EMILIN2: variants seen among roughly 807,000 people sequenced by gnomAD.
EMILIN2 encodes the protein EMILIN-2.
EMILIN2 carries 71 observed loss-of-function variants against 87.1 expected under a neutral mutation model. The observed-to-expected ratio is 0.82, with a 90% confidence interval of 0.67 to 0.99. The LOEUF (loss-of-function observed/expected upper bound fraction) is 0.99. Among genes scored for constraint, EMILIN2 ranks in the 50% least tolerant of loss-of-function variants. The pLI is 0.00. For missense variants in EMILIN2, 1,407 were observed against 1,371.8 expected, an observed-to-expected ratio of 1.03 and a Z score of -0.40; for synonymous variants, 581 against 563.4, an observed-to-expected ratio of 1.03 and a Z score of -0.44.
At chr18:2,909,953 G>A (rs1307965713) in intron 7 of EMILIN2, 134 bp downstream of exon 7, 4 of 1,242,520 alleles carry the variant, frequency 3.2e-6, no homozygotes, top group Non-Finnish European at 4.5e-6. Context: ...AGATGCCCGA[G>A]TGGGCCTGCA....
At chr18:2,868,284 G>A (rs1182418900) in intron 2 of EMILIN2, among the ~76,000 whole-genome samples, 2 of 151,978 alleles carry the variant, frequency 1.3e-5, no homozygotes, top group Non-Finnish European at 2.9e-5. Context: ...ATGGGATGGC[G>A]GCGGGGAAGA....
Position 2,915,475 on chromosome 18 carries a change from G to T in EMILIN2, c.*2071G>T, listed in dbSNP as rs940583029. The T allele has an allele frequency of 6.6e-6, 1 of 152,008 alleles. No individual in the cohort carries two copies. Among genetic ancestry groups the T allele is most frequent in the Non-Finnish European group, 1.5e-5 (1 of 68,058 alleles). 9.4% of individuals were successfully genotyped at this position (152,008 alleles called of 1,614,324 possible). ...CCCCTGAAGTAGTGCCTGCGAGTCAGTCAGAGGCATACCAAACCCTGAGAC... is the reference window on the plus strand; with the variant it reads ...CCCCTGAAGTAGTGCCTGCGAGTCATTCAGAGGCATACCAAACCCTGAGAC... On this transcript the variant is annotated 3_prime_UTR_variant, in exon 8 of 8. Coordinates refer to ENST00000254528, the MANE Select transcript of EMILIN2 (RefSeq NM_032048.3).
chr18:2,892,013 T>C lies in EMILIN2; in HGVS notation c.1886T>C (p.Met629Thr). 6.2e-7 allele frequency: 1 copy of C among 1,614,154 alleles called. No homozygotes were observed. Among genetic ancestry groups the C allele is most frequent in the Non-Finnish European group, 8.5e-7 (1 of 1,180,030 alleles). ...ENDVTHLQKE[M>T]SNCRAGENAG... ...GATGTGACTCATCTTCAAAAGGAAA[T>C]GAGCAATTGTAGAGCAGGTGAAAAC... Residue 629 changes from methionine to threonine, a missense_variant, in exon 4 of 8, where the codon ATG (methionine) becomes ACG (threonine). By Grantham distance (81) the Met-to-Thr change is moderately conservative. Coordinates refer to ENST00000254528, the MANE Select transcript of EMILIN2 (RefSeq NM_032048.3).
At chr18:2,872,368 T>G (rs2076724012) in intron 2 of EMILIN2, among the ~76,000 whole-genome samples, 1 of 152,170 alleles carries the variant, frequency 6.6e-6, no homozygotes, top group Admixed American at 6.6e-5. Flanking sequence ...TTGTGAGAGA[T>G]ATAGTCTTTG....
At chr18:2,898,745 C>T (rs1486749851) in intron 4 of EMILIN2, among the ~76,000 whole-genome samples, 2 of 152,156 alleles carry the variant, frequency 1.3e-5, no homozygotes, top group Non-Finnish European at 2.9e-5. Flanking sequence ...ACTATTTAAC[C>T]AGAAAGCCTG....
At chr18:2,875,759 T>C (rs971958529) in intron 2 of EMILIN2, among the ~76,000 whole-genome samples, 3 of 152,220 alleles carry the variant, frequency 2.0e-5, no homozygotes, top group African/African-American at 7.2e-5. Flanking sequence ...GGTACGGCTC[T>C]CCTAGCAAAT....
At chr18:2,899,351 G>A (rs2076878074) in intron 4 of EMILIN2, among the ~76,000 whole-genome samples, 1 of 152,170 alleles carries the variant, frequency 6.6e-6, no homozygotes, top group Admixed American at 6.5e-5. Flanking sequence ...TCAGCTTTGT[G>A]TGAGCCCACT....
intron 2 of EMILIN2, among the ~76,000 whole-genome samples, chr18:2,884,581 T>C (rs2076794031): frequency 6.6e-6 from 1 of 152,122 alleles, no homozygotes; most frequent in African/African-American, 2.4e-5. Context: ...CAAAACAATC[T>C]CTAGTGACAC....
At position 2,900,679 on chromosome 18, in the gene EMILIN2, A is replaced by ACAAGCGACAGT. The variant is rs1555669600; in HGVS notation, c.2360-6104_2360-6103insCAAGCGACAGT. Among the ~76,000 whole-genome samples the ACAAGCGACAGT allele has an allele frequency of 2.7e-3, 404 of 151,994 alleles. 1 individual carries two copies. The highest frequency in any genetic ancestry group is 6.8e-3 in the Middle Eastern group (2 of 294). ...CTTTATCTAAGCTCACCCCGGGCCC[A>ACAAGCGACAGT]TTTAGCACCACAAGCGACAGTTTCT... On this transcript the variant is annotated intron_variant, in intron 4 of 7. Transcript: ENST00000254528.
At chr18:2,910,714 C>T (rs1220658900) in intron 7 of EMILIN2, among the ~76,000 whole-genome samples, 3 of 152,192 alleles carry the variant, frequency 2.0e-5, no homozygotes, top group African/African-American at 7.2e-5. Flanking sequence ...ACTTGGTTTC[C>T]TTCTTGGTAG....
intron 7 of EMILIN2, among the ~76,000 whole-genome samples, chr18:2,911,295 C>T (rs532620300): frequency 6.6e-6 from 1 of 152,170 alleles, no homozygotes. Context: ...AAGAGGGGGG[C>T]GTGCGCAGTG....
At chr18:2,876,634 C>T (rs74505364) in intron 2 of EMILIN2, among the ~76,000 whole-genome samples, 85,541 of 142,926 alleles carry the variant, frequency 0.6, 25,593 homozygotes, top group East Asian at 0.91. Context: ...GGTGTGGTGG[C>T]GGGCGCCTGT....
chr18:2,847,371 C>T lies in EMILIN2; in HGVS notation c.134+49C>T, dbSNP rs749336005. ...CCCCAAACCGCCTACCCCTCCCCGGCCCCCAGTTGAGCCCCAGAGCTGCCC... is the reference window on the plus strand; with the variant it reads ...CCCCAAACCGCCTACCCCTCCCCGGTCCCCAGTTGAGCCCCAGAGCTGCCC... On this transcript the variant is annotated intron_variant, in intron 1 of 7. Transcript: ENST00000254528. This position sits in a 1 kb window ranked among gnomAD's most constrained non-coding sequence, Gnocchi z 4.5. The T allele has an allele frequency of 2.4e-6, 3 of 1,266,342 alleles. No homozygotes were observed. The highest frequency in any genetic ancestry group is 2.0e-6 in the Non-Finnish European group (2 of 1,003,760). The allele number at this position is 1,266,342 out of a possible 1,614,324, so 78.4% of individuals were successfully genotyped here.
chr18:2,870,105 G>A (rs1326665855), intron 2 of EMILIN2, among the ~76,000 whole-genome samples: 2 of 152,102 alleles, frequency 1.3e-5, no homozygotes, highest in African/African-American at 4.8e-5. Context: ...GCTGGGCGTG[G>A]TGGTGCACGC....
At chr18:2,903,158 G>A (rs867438069) in intron 4 of EMILIN2, among the ~76,000 whole-genome samples, 16 of 150,942 alleles carry the variant, frequency 1.1e-4, no homozygotes, top group Admixed American at 6.6e-4. Flanking sequence ...GTCAGATGGA[G>A]CTGATCCAAG....
chr18:2,854,503 G>C (rs559093048), intron 2 of EMILIN2, among the ~76,000 whole-genome samples: 11 of 150,388 alleles, frequency 7.3e-5, no homozygotes, highest in East Asian at 3.9e-4. Flanking sequence ...CACACACACA[G>C]AACATTTGGC....
intron 4 of EMILIN2, among the ~76,000 whole-genome samples, chr18:2,896,465 T>G (rs1299132816): frequency 6.6e-6 from 1 of 151,922 alleles, no homozygotes; most frequent in Non-Finnish European, 1.5e-5. Context: ...CATGAGACAT[T>G]GCACCCGGTC....
Position 2,890,769 on chromosome 18 carries a change from TGC to T in EMILIN2, c.643_644del (p.Ala215HisfsTer4). 3 of 1,613,792 alleles carry T rather than the reference TGC, an allele frequency of 1.9e-6. No homozygotes were observed. Among genetic ancestry groups the T allele is most frequent in the Non-Finnish European group, 2.5e-6 (3 of 1,179,864 alleles). Reference protein sequence around the residue: ...LAGVSENLKHATQDDASRTRA... With the variant: ...LAGVSENLKHXTQDDASRTRA... ...CTGGAGTGAGTGAAAATCTCAAACA[TGC>T]CACTCAGGATGATGCCAGTAGAACA... is the stretch of plus-strand genomic sequence containing the variant. On this transcript the variant is annotated frameshift_variant, in exon 4 of 8. Coordinates refer to ENST00000254528, the MANE Select transcript of EMILIN2 (RefSeq NM_032048.3). LOFTEE classifies it high-confidence loss of function. This position sits in a 1 kb window ranked among gnomAD's most constrained non-coding sequence, Gnocchi z 4.7.
chr18:2,893,945 G>A (rs1426247596), intron 4 of EMILIN2, among the ~76,000 whole-genome samples: 2 of 152,154 alleles, frequency 1.3e-5, no homozygotes, highest in Non-Finnish European at 2.9e-5. Flanking sequence ...GGTCCATGGG[G>A]ACTTGTTGAG....
Sources: gnomAD v4.1 joint callset for allele counts (sites outside exome capture counted in the v4.1 genomes callset) on GRCh38, gnomAD v4.1.1 for gene constraint, Gnocchi (gnomAD v3.1) non-coding constraint, MANE v1.5 for transcripts, NCBI Gene and HGNC (gene_info 2026-07-23, HGNC 2026-07-21) for gene names.